The following ARHGEF28 variants were observed in gnomAD, a reference collection of about 807,000 sequenced individuals.
ARHGEF28 encodes the protein Rho guanine nucleotide exchange factor 28, also known as 190 kDa guanine nucleotide exchange factor.
Under a neutral mutation model 206.6 loss-of-function variants are expected in ARHGEF28, and 152 were observed. The observed-to-expected ratio is 0.74, with a 90% CI of 0.64 to 0.84. ARHGEF28 has a LOEUF of 0.84. Among genes scored for constraint, ARHGEF28 ranks in the 40% least tolerant of loss-of-function variants. ARHGEF28 has a pLI of 0.00. For missense variants in ARHGEF28, 2,028 were observed against 2,073.2 expected, an observed-to-expected ratio of 0.98 and a Z score of 0.42; for synonymous variants, 763 against 776.4, an observed-to-expected ratio of 0.98 and a Z score of 0.29.
At chr5:73,678,939 G>A (rs1746884349) in intron 1 of ARHGEF28, among the ~76,000 whole-genome samples, 1 of 152,206 alleles carries the variant, frequency 6.6e-6, no homozygotes. Flanking sequence ...GAAGGGCAGT[G>A]GTGCAGTGGC....
intron 1 of ARHGEF28, among the ~76,000 whole-genome samples, chr5:73,655,373 G>T (rs1336705701): frequency 1.3e-5 from 2 of 152,162 alleles, no homozygotes; most frequent in Admixed American, 1.3e-4. Context: ...TTTATCTTGA[G>T]AAATTATTTC....
chr5:73,690,440 G>A, intron 2 of ARHGEF28, among the ~76,000 whole-genome samples: 1 of 146,682 alleles, frequency 6.8e-6, no homozygotes, highest in South Asian at 2.2e-4. Context: ...GTGTGTGGTG[G>A]CATATACCTG....
At chr5:73,665,101 T>TA (rs1745863989) in intron 1 of ARHGEF28, among the ~76,000 whole-genome samples, 1 of 152,190 alleles carries the variant, frequency 6.6e-6, no homozygotes, top group African/African-American at 2.4e-5. Context: ...GCCTGAAGGA[T>TA]AGCAGTGGTC....
chr5:73,773,722 T>A (rs541075699), intron 4 of ARHGEF28, 133 bp from the exon 5 acceptor site: 4 of 929,446 alleles, frequency 4.3e-6, no homozygotes, highest in Admixed American at 6.1e-5. Context: ...GATACAGTGA[T>A]TGGGTGCCAT....
At chr5:73,865,022 T>C (rs1759624883) in intron 17 of ARHGEF28, 150 bp downstream of exon 17, 1 of 687,770 alleles carries the variant, frequency 1.5e-6, no homozygotes. Flanking sequence ...TGTATAGTTA[T>C]TTGCTTAACT....
chr5:73,894,351 T>A (rs1246277750), intron 28 of ARHGEF28, 42 bp from the exon 29 acceptor site: 5 of 1,526,150 alleles, frequency 3.3e-6, no homozygotes, highest in Non-Finnish European at 4.5e-6. Context: ...GTGGTTGTAT[T>A]CATGTTAGTG....
At chr5:73,884,752 C>T (rs1345912527) in intron 24 of ARHGEF28, among the ~76,000 whole-genome samples, 2 of 120,110 alleles carry the variant, frequency 1.7e-5, no homozygotes, top group African/African-American at 7.5e-5. Flanking sequence ...TAATAAACAT[C>T]AACTAGGTGG....
rs79219230 is a variant in ARHGEF28, at chr5:73,923,341, G to C, written c.4948+11766G>C. On this transcript the variant is annotated intron_variant, in intron 35 of 35. Transcript: ENST00000513042. Reference sequence around the variant, plus strand: ...TGAGCTCCCTTTCTCTGATGAGCTGGCTATGAGTCCGTTACCTTCATGAAT... The same window carrying C: ...TGAGCTCCCTTTCTCTGATGAGCTGCCTATGAGTCCGTTACCTTCATGAAT... Among the ~76,000 whole-genome samples, 606 of 152,246 alleles carry C rather than the reference G, an allele frequency of 4.0e-3. 5 individuals carry two copies. The highest frequency in any genetic ancestry group is 7.3e-3 in the South Asian group (35 of 4,812).
Position 73,911,603 on chromosome 5 carries a change from A to ATAGT in ARHGEF28, c.4948+30_4948+33dup, listed in dbSNP as rs112674169. ...AATTAACACTTTAAACATCATCTGT[A>ATAGT]TAGTTTGAACAAGAAGTTGTCCCTC... On this transcript the variant is annotated intron_variant, in intron 35 of 35. Transcript: ENST00000513042. The ATAGT allele has an allele frequency of 1.7e-4, 263 of 1,547,550 alleles. No homozygotes were observed. In the African/African-American group the frequency reaches 2.7e-3, roughly 16 times the overall value.
At chr5:73,785,388 T>C (rs1461195833) in intron 7 of ARHGEF28, among the ~76,000 whole-genome samples, 1 of 152,230 alleles carries the variant, frequency 6.6e-6, no homozygotes, top group Non-Finnish European at 1.5e-5. Context: ...TCCTCAACTC[T>C]GTGGCACCTC....
At chr5:73,817,534 A>G (rs945925342) in intron 9 of ARHGEF28, among the ~76,000 whole-genome samples, 4 of 152,220 alleles carry the variant, frequency 2.6e-5, no homozygotes, top group Non-Finnish European at 4.4e-5. Context: ...CCAAAGTCAT[A>G]CCAGGAAACA....
At chr5:73,783,843 G>A (rs952342599) in intron 7 of ARHGEF28, among the ~76,000 whole-genome samples, 1 of 152,092 alleles carries the variant, frequency 6.6e-6, no homozygotes, top group African/African-American at 2.4e-5. Context: ...TAATATACGT[G>A]GCTGCCAGTT....
chr5:73,709,119 C>A (rs1474623278), intron 2 of ARHGEF28, among the ~76,000 whole-genome samples: 1 of 152,174 alleles, frequency 6.6e-6, no homozygotes. Context: ...ATGCTTCTGT[C>A]ATACGTTTGT....
intron 9 of ARHGEF28, among the ~76,000 whole-genome samples, chr5:73,815,995 G>A (rs1166581173): frequency 6.6e-6 from 1 of 152,140 alleles, no homozygotes; most frequent in Non-Finnish European, 1.5e-5. Flanking sequence ...TGTAATGCGA[G>A]CTGGACAGAG....
chr5:73,834,333 CA>C (rs1757474202), intron 10 of ARHGEF28, among the ~76,000 whole-genome samples: 1 of 152,148 alleles, frequency 6.6e-6, no homozygotes, highest in Non-Finnish European at 1.5e-5. Flanking sequence ...AACACTTCAC[CA>C]TTTCCCCCAC....
At chr5:73,921,622 A>G (rs1024680922) in intron 35 of ARHGEF28, among the ~76,000 whole-genome samples, 1 of 152,228 alleles carries the variant, frequency 6.6e-6, no homozygotes, top group Non-Finnish European at 1.5e-5. Flanking sequence ...GTTCAAATTT[A>G]ATTATTTTCA....
chr5:73,784,431 A>C (rs898250869), intron 7 of ARHGEF28, among the ~76,000 whole-genome samples: 2 of 152,174 alleles, frequency 1.3e-5, no homozygotes, highest in African/African-American at 4.8e-5. Context: ...ATGAATGGCC[A>C]AAAAGTCTTC....
At chr5:73,806,675 A>G (rs1432877074) in intron 9 of ARHGEF28, among the ~76,000 whole-genome samples, 1 of 145,306 alleles carries the variant, frequency 6.9e-6, no homozygotes, top group Admixed American at 7.0e-5. Context: ...TATATGTACC[A>G]TATATACGAT....
chr5:73,810,077 C>T (rs1047110379), intron 9 of ARHGEF28, among the ~76,000 whole-genome samples: 7 of 152,100 alleles, frequency 4.6e-5, no homozygotes, highest in African/African-American at 7.2e-5. Context: ...TCAGAAGAAA[C>T]GTGTTGGTGA....
Sources: gnomAD v4.1 joint callset for allele counts (sites outside exome capture counted in the v4.1 genomes callset) on GRCh38, gnomAD v4.1.1 for gene constraint, MANE v1.5 for transcripts, NCBI Gene and HGNC (gene_info 2026-07-23, HGNC 2026-07-21) for gene names.